MAML2: variants seen among roughly 807,000 people sequenced by gnomAD.
MAML2 encodes mastermind-like protein 2.
MAML2 carries 22 observed loss-of-function variants against 96.1 expected under a neutral mutation model. That is an observed-to-expected ratio of 0.23 (90% CI 0.16 to 0.33). The LOEUF is 0.33. Ranked by LOEUF, MAML2 falls within the 10% of genes least tolerant of loss-of-function variation. The probability of loss-of-function intolerance (pLI) is 1.00; values close to 1 mark genes in which losing one functional copy is unlikely to be tolerated. For synonymous variants in MAML2, 561 were observed against 521.3 expected (o/e 1.08, Z -1.04); for missense variants, 1,367 against 1,392.4 (o/e 0.98, Z 0.29).
intron 1 of MAML2, among the ~76,000 whole-genome samples, chr11:96,135,707 A>G (rs943826210): frequency 6.6e-6 from 1 of 151,730 alleles, no homozygotes; most frequent in Non-Finnish European, 1.5e-5. Context: ...TTTTTTTCCT[A>G]TCTTTAGAGG....
chr11:96,207,262 C>G (rs1861908668), intron 1 of MAML2, among the ~76,000 whole-genome samples: 2 of 152,192 alleles, frequency 1.3e-5, no homozygotes, highest in African/African-American at 2.4e-5. Context: ...TTTAATTATT[C>G]ACTGGCCCAT....
intron 1 of MAML2, among the ~76,000 whole-genome samples, chr11:96,218,933 A>G (rs1862091879): frequency 6.6e-6 from 1 of 152,230 alleles, no homozygotes; most frequent in Non-Finnish European, 1.5e-5. Flanking sequence ...GCAACCCTAT[A>G]TCTGGGGGCA....
chr11:96,170,141 T>C (rs487073), intron 1 of MAML2, among the ~76,000 whole-genome samples: 146,662 of 152,270 alleles, frequency 0.96, 70,870 homozygotes, highest in East Asian at 1. Flanking sequence ...GCACATCATG[T>C]GCTACAGTGC....
intron 1 of MAML2, among the ~76,000 whole-genome samples, chr11:96,278,710 C>G (rs1591110476): frequency 6.6e-6 from 1 of 152,294 alleles, no homozygotes; most frequent in East Asian, 1.9e-4. Context: ...GCATCAAATA[C>G]ACTTTACCTT....
At chr11:96,206,226 A>G (rs949971112) in intron 1 of MAML2, among the ~76,000 whole-genome samples, 1 of 152,186 alleles carries the variant, frequency 6.6e-6, no homozygotes, top group Admixed American at 6.5e-5. Context: ...TGCAACATGA[A>G]TATTTGGGGT....
rs1313130462 is a variant in MAML2 at position 96,077,215 on chromosome 11, C to T, written c.2139+14677G>A. Among the ~76,000 whole-genome samples the T allele has an allele frequency of 6.5e-5, 4 of 61,844 alleles. No homozygotes were observed. In the South Asian group the frequency reaches 2.2e-3, roughly 34 times the overall value. 40.6% of individuals were successfully genotyped at this position (61,844 alleles called of 152,430 possible). ...TTCTGACTTTTTACCCCAACTCTCT[C>T]TCTCTTTTTTTTTTTTTTTTTTTTA... On this transcript the variant is annotated intron_variant, in intron 2 of 4. Transcript: ENST00000524717.
At chr11:96,140,811 G>A (rs1254646461) in intron 1 of MAML2, among the ~76,000 whole-genome samples, 1 of 152,134 alleles carries the variant, frequency 6.6e-6, no homozygotes, top group Non-Finnish European at 1.5e-5. Flanking sequence ...GGCTAAGGAG[G>A]TCAAATACAC....
intron 1 of MAML2, among the ~76,000 whole-genome samples, chr11:96,211,377 C>G (rs780402158): frequency 4.0e-5 from 6 of 150,676 alleles, no homozygotes; most frequent in Non-Finnish European, 8.8e-5. Flanking sequence ...AAGTACATTA[C>G]TTCAACAACT....
chr11:96,315,954 A>G (rs1863626359), intron 1 of MAML2, among the ~76,000 whole-genome samples: 1 of 152,236 alleles, frequency 6.6e-6, no homozygotes, highest in Non-Finnish European at 1.5e-5. Flanking sequence ...CAACTGGGAT[A>G]TACAGTTTTT....
chr11:96,299,525 T>C (rs1317602527), intron 1 of MAML2, among the ~76,000 whole-genome samples: 1 of 152,042 alleles, frequency 6.6e-6, no homozygotes, highest in Non-Finnish European at 1.5e-5. Flanking sequence ...GGTTTTTCTC[T>C]AGCTGTGTGA....
chr11:96,207,497 C>T (rs1449774765), intron 1 of MAML2, among the ~76,000 whole-genome samples: 5 of 152,228 alleles, frequency 3.3e-5, no homozygotes. Flanking sequence ...CCTGGGGCGG[C>T]CTCTTTTACC....
intron 1 of MAML2, among the ~76,000 whole-genome samples, chr11:96,139,266 A>G (rs1450443575): frequency 1.3e-5 from 2 of 152,102 alleles, no homozygotes; most frequent in Non-Finnish European, 1.5e-5. Flanking sequence ...TCACGAGGTC[A>G]GGAGATCGAG....
chr11:96,050,036 TG>T (rs1858966118), intron 2 of MAML2, among the ~76,000 whole-genome samples: 1 of 152,222 alleles, frequency 6.6e-6, no homozygotes, highest in African/African-American at 2.4e-5. Context: ...ATTTTTACCA[TG>T]GTCCTTTCAA....
At chr11:96,002,189 G>A (rs534696684) in intron 2 of MAML2, among the ~76,000 whole-genome samples, 18 of 152,192 alleles carry the variant, frequency 1.2e-4, no homozygotes, top group Admixed American at 5.9e-4. Flanking sequence ...TTGAAGGCTG[G>A]GACATGTTCA....
At chr11:95,995,973 T>C (rs1392004805) in intron 2 of MAML2, among the ~76,000 whole-genome samples, 1 of 152,152 alleles carries the variant, frequency 6.6e-6, no homozygotes, top group Non-Finnish European at 1.5e-5. Flanking sequence ...CCTACTAGTG[T>C]CTTAAGATTA....
chr11:96,100,409 A>C (rs896949334), intron 1 of MAML2, among the ~76,000 whole-genome samples: 6 of 151,226 alleles, frequency 4.0e-5, no homozygotes, highest in Admixed American at 6.6e-5. Context: ...TCCCAGGTTC[A>C]TGTGATTCTC....
intron 1 of MAML2, among the ~76,000 whole-genome samples, chr11:96,238,614 T>A (rs549771021): frequency 6.6e-6 from 1 of 152,378 alleles, no homozygotes; most frequent in African/African-American, 2.4e-5. Flanking sequence ...GTAGCTATTA[T>A]CGCTGCAGAC....
chr11:96,218,406 T>C (rs1477465644), intron 1 of MAML2, among the ~76,000 whole-genome samples: 1 of 152,226 alleles, frequency 6.6e-6, no homozygotes, highest in East Asian at 1.9e-4. Flanking sequence ...TTTTTTATCC[T>C]CAGCGTACAC....
At chr11:96,213,455 A>G (rs1421494086) in intron 1 of MAML2, among the ~76,000 whole-genome samples, 1 of 152,194 alleles carries the variant, frequency 6.6e-6, no homozygotes, top group African/African-American at 2.4e-5. Flanking sequence ...CAAATTTAAC[A>G]TCTTGGAAAG....
Sources: gnomAD v4.1 joint callset for allele counts (sites outside exome capture counted in the v4.1 genomes callset) on GRCh38, gnomAD v4.1.1 for gene constraint, MANE v1.5 for transcripts, NCBI Gene and HGNC (gene_info 2026-07-23, HGNC 2026-07-21) for gene names.